LINGO2: variants seen among roughly 807,000 people sequenced by gnomAD.
The protein encoded by LINGO2 is leucine-rich repeat and immunoglobulin-like domain-containing nogo receptor-interacting protein 2.
In LINGO2, 14 loss-of-function variants were observed where a neutral mutation model predicts 30.6. The ratio of observed to expected loss-of-function variants is 0.46; its 90% CI spans 0.30 to 0.72. LINGO2 has a LOEUF of 0.72. LINGO2 is among the 30% of genes least tolerant of loss of function. LINGO2 has a pLI of 0.07. For synonymous variants in LINGO2, 317 were observed against 288.5 expected (o/e 1.10, Z -1.00); for missense variants, 729 against 751.7 (o/e 0.97, Z 0.35).
chr9:29,205,216 A>AT, the LINGO2 span, among the ~76,000 whole-genome samples: 1 of 151,998 alleles, frequency 6.6e-6, no homozygotes, highest in African/African-American at 2.4e-5. Flanking sequence ...AATTTTTGTT[A>AT]TTTTTAGTAG....
chr9:28,174,674 G>A (rs1828693297), intron 4 of LINGO2, among the ~76,000 whole-genome samples: 2 of 152,042 alleles, frequency 1.3e-5, no homozygotes, highest in African/African-American at 4.8e-5. Flanking sequence ...TACTACCATT[G>A]TGATATACAT....
chr9:28,074,916 C>A (rs180865315), intron 4 of LINGO2, among the ~76,000 whole-genome samples: 202 of 151,268 alleles, frequency 1.3e-3, no homozygotes, highest in Non-Finnish European at 2.2e-3. Context: ...TTAAAGTACA[C>A]AATTTAATTT....
chr9:28,947,602 T>G, the LINGO2 span, among the ~76,000 whole-genome samples: 1 of 152,038 alleles, frequency 6.6e-6, no homozygotes, highest in Non-Finnish European at 1.5e-5. Flanking sequence ...ATAGACTTTT[T>G]GTTGAATCTC....
At chr9:28,462,705 T>C (rs547571259) in intron 2 of LINGO2, among the ~76,000 whole-genome samples, 100 of 152,230 alleles carry the variant, frequency 6.6e-4, no homozygotes, top group African/African-American at 2.2e-3. Context: ...GATGAAAATA[T>C]CTTTGGGCAT....
intron 1 of LINGO2, among the ~76,000 whole-genome samples, chr9:28,541,502 A>G (rs1443089838): frequency 6.6e-6 from 1 of 152,160 alleles, no homozygotes; most frequent in Non-Finnish European, 1.5e-5. Context: ...CAATTTTTAT[A>G]ATTGAGTCAA....
chr9:28,652,744 G>A (rs1375535646), intron 1 of LINGO2, among the ~76,000 whole-genome samples: 1 of 151,876 alleles, frequency 6.6e-6, no homozygotes. Context: ...GCCTCAGGTA[G>A]ATTAAAGGCA....
At chr9:28,473,626 T>C (rs1260982946) in intron 2 of LINGO2, among the ~76,000 whole-genome samples, 1 of 152,122 alleles carries the variant, frequency 6.6e-6, no homozygotes, top group African/African-American at 2.4e-5. Context: ...GAGGCACTGA[T>C]TGAAGAAAGG....
intron 2 of LINGO2, among the ~76,000 whole-genome samples, chr9:28,401,906 A>T (rs536330273): frequency 3.3e-5 from 5 of 152,016 alleles, no homozygotes; most frequent in Non-Finnish European, 7.4e-5. Flanking sequence ...GCTTTTTTTC[A>T]TATATCTGTT....
At chr9:28,738,492 A>C in the LINGO2 span, among the ~76,000 whole-genome samples, 1 of 152,086 alleles carries the variant, frequency 6.6e-6, no homozygotes, top group Non-Finnish European at 1.5e-5. Context: ...AGGCCCTATG[A>C]TGCTTTCAAG....
rs142159388 is a variant in LINGO2, at chr9:28,518,866, G to A, written c.-364-42841C>T. Among the ~76,000 whole-genome samples the A allele has an allele frequency of 4.2e-3, 644 of 152,200 alleles. 6 individuals carry two copies. The highest frequency in any genetic ancestry group is 0.014 in the African/African-American group (582 of 41,532). ...GTCAGTTTAATTCTTAGGTCCAGCC[G>A]GAAACCTAGAGAGAAAAGGTAAAGT... On this transcript the variant is annotated intron_variant, in intron 1 of 5. Coordinates refer to ENST00000379992, the Ensembl canonical transcript of LINGO2.
At chr9:27,998,056 G>A (rs1821757340) in intron 5 of LINGO2, among the ~76,000 whole-genome samples, 1 of 152,196 alleles carries the variant, frequency 6.6e-6, no homozygotes, top group Non-Finnish European at 1.5e-5. Context: ...CACTGAGGTA[G>A]CTTGTCTCCA....
the LINGO2 span, among the ~76,000 whole-genome samples, chr9:29,089,787 A>G: frequency 6.6e-6 from 1 of 152,102 alleles, no homozygotes; most frequent in Admixed American, 6.6e-5. Context: ...TCTTCTTACA[A>G]GAAGTTTCAT....
chr9:28,826,385 A>C, the LINGO2 span, among the ~76,000 whole-genome samples: 1,384 of 152,290 alleles, frequency 9.1e-3, 22 homozygotes, highest in African/African-American at 0.032. Context: ...CCATATGATG[A>C]ATCCTTTCCA....
intron 1 of LINGO2, among the ~76,000 whole-genome samples, chr9:28,513,750 T>C (rs1238811385): frequency 3.9e-5 from 6 of 152,220 alleles, no homozygotes; most frequent in African/African-American, 1.4e-4. Flanking sequence ...AAATATGTGA[T>C]ACCCAATAAA....
At chr9:28,166,981 G>A (rs189712752) in intron 4 of LINGO2, among the ~76,000 whole-genome samples, 8 of 152,136 alleles carry the variant, frequency 5.3e-5, no homozygotes, top group Non-Finnish European at 8.8e-5. Context: ...CAAACCTCTC[G>A]AAGTTCTGTG....
intron 1 of LINGO2, among the ~76,000 whole-genome samples, chr9:28,531,072 A>C (rs1821218527): frequency 6.8e-6 from 1 of 147,960 alleles, no homozygotes; most frequent in South Asian, 2.1e-4. Context: ...TATAATATAT[A>C]AAATTCCAAA....
the LINGO2 span, among the ~76,000 whole-genome samples, chr9:28,705,293 T>C: frequency 1.3e-5 from 2 of 151,940 alleles, no homozygotes; most frequent in African/African-American, 4.8e-5. Flanking sequence ...CTTTAGCATG[T>C]GGTGGTAAGA....
At chr9:29,197,271 C>T in the LINGO2 span, among the ~76,000 whole-genome samples, 1 of 151,906 alleles carries the variant, frequency 6.6e-6, no homozygotes, top group Non-Finnish European at 1.5e-5. Context: ...CAGCTTGGAC[C>T]AGAATTTTAA....
intron 4 of LINGO2, among the ~76,000 whole-genome samples, chr9:28,044,292 A>C (rs965393569): frequency 1.2e-4 from 19 of 152,246 alleles, no homozygotes; most frequent in Admixed American, 6.5e-5. Flanking sequence ...ACACCAGAGC[A>C]TAAATGGGTA....
Sources: gnomAD v4.1 joint callset for allele counts (sites outside exome capture counted in the v4.1 genomes callset) on GRCh38, gnomAD v4.1.1 for gene constraint, MANE v1.5 for transcripts, NCBI Gene and HGNC (gene_info 2026-07-23, HGNC 2026-07-21) for gene names.